The following VWA3B variants were observed in gnomAD, a reference collection of about 807,000 sequenced individuals.
VWA3B encodes the protein von Willebrand factor A domain-containing protein 3B.
In VWA3B, 138 loss-of-function variants were observed where a neutral mutation model predicts 158.3. The observed-to-expected ratio is 0.87, with a 90% CI of 0.76 to 1.00. The LOEUF (loss-of-function observed/expected upper bound fraction) is 1.00, where lower values mean the gene tolerates loss of function less well. Among genes scored for constraint, VWA3B ranks in the 50% least tolerant of loss-of-function variants. VWA3B has a pLI of 0.00. For synonymous variants in VWA3B, 596 were observed against 587.3 expected (o/e 1.01, Z -0.21); for missense variants, 1,555 against 1,565.1 (o/e 0.99, Z 0.11).
chr2:98,330,243 C>G, the VWA3B span, among the ~76,000 whole-genome samples: 9 of 152,146 alleles, frequency 5.9e-5, no homozygotes, highest in Non-Finnish European at 1.0e-4. Flanking sequence ...AGGGGAAGCT[C>G]AGGTCTAACT....
At chr2:98,277,424 A>G (rs904238127) in intron 22 of VWA3B, among the ~76,000 whole-genome samples, 11 of 152,200 alleles carry the variant, frequency 7.2e-5, no homozygotes, top group Admixed American at 5.9e-4. Context: ...CTGTCCTCCA[A>G]CATTTTCTGA....
intron 8 of VWA3B, among the ~76,000 whole-genome samples, chr2:98,169,668 C>T (rs1679408195): frequency 6.6e-6 from 1 of 151,640 alleles, no homozygotes; most frequent in African/African-American, 2.4e-5. Flanking sequence ...AGTCACTCCT[C>T]TGGCGCTGAG....
intron 7 of VWA3B, among the ~76,000 whole-genome samples, chr2:98,159,235 T>TG (rs796253091): frequency 2.4e-4 from 37 of 152,202 alleles, no homozygotes; most frequent in African/African-American, 7.9e-4. Flanking sequence ...GCCTGCAAAT[T>TG]GTTTTTTTGT....
chr2:98,119,573 A>T lies in VWA3B; in HGVS notation c.352A>T (p.Ser118Cys). The T allele has an allele frequency of 1.2e-6, 2 of 1,613,966 alleles. No homozygotes were observed. ...GGAACATTTAACACAAGCTGTGGAG[A>T]GCTACAAGCAGCGAATGGACTGGCT... ...FVEHLTQAVE[S>C]YKQRMDWLTS... The change falls in exon 4 of 28, where the codon AGC (serine) becomes TGC (cysteine). Residue 118 changes from serine (S) to cysteine (C), a missense_variant. Physicochemically the swap from Ser to Cys is moderately radical, Grantham distance 112 (BLOSUM62 -1). Coordinates refer to ENST00000477737, the MANE Select transcript of VWA3B (RefSeq NM_144992.5).
intron 7 of VWA3B, among the ~76,000 whole-genome samples, chr2:98,147,383 G>A (rs1677251160): frequency 6.6e-6 from 1 of 152,022 alleles, no homozygotes; most frequent in Non-Finnish European, 1.5e-5. Context: ...AAACATTCTT[G>A]CCATCCAGAT....
chr2:98,117,891 C>T (rs1036925859), intron 3 of VWA3B, among the ~76,000 whole-genome samples: 4 of 151,948 alleles, frequency 2.6e-5, no homozygotes, highest in African/African-American at 4.8e-5. Flanking sequence ...TGTGCGCCAC[C>T]GTATCCAGCT....
chr2:98,217,484 G>A (rs896670600), intron 13 of VWA3B, among the ~76,000 whole-genome samples: 2 of 152,146 alleles, frequency 1.3e-5, no homozygotes, highest in Admixed American at 1.3e-4. Flanking sequence ...GTTGACCATA[G>A]CATGTTGGAA....
At chr2:98,165,033 A>C (rs1014496756) in intron 8 of VWA3B, among the ~76,000 whole-genome samples, 1 of 152,208 alleles carries the variant, frequency 6.6e-6, no homozygotes, top group Admixed American at 6.5e-5. Flanking sequence ...ACAATGATGC[A>C]TGCTCCACAC....
At chr2:98,089,780 G>A (rs140929911) in intron 1 of VWA3B, among the ~76,000 whole-genome samples, 7 of 151,054 alleles carry the variant, frequency 4.6e-5, no homozygotes, top group African/African-American at 1.5e-4. Context: ...AATCAGACTG[G>A]ACTGTACAGG....
chr2:98,251,133 G>A (rs951646676), intron 20 of VWA3B, among the ~76,000 whole-genome samples: 1 of 152,016 alleles, frequency 6.6e-6, no homozygotes, highest in Non-Finnish European at 1.5e-5. Context: ...AACAACAGTG[G>A]CAGCAGCTAT....
intron 2 of VWA3B, among the ~76,000 whole-genome samples, chr2:98,095,710 GA>G (rs993461588): frequency 2.2e-4 from 33 of 152,170 alleles, no homozygotes; most frequent in African/African-American, 6.8e-4. Context: ...GATGTTAAAG[GA>G]AAATCTTTCA....
chr2:98,214,231 A>C (rs79984211), intron 13 of VWA3B, among the ~76,000 whole-genome samples: 1 of 151,892 alleles, frequency 6.6e-6, no homozygotes, highest in Non-Finnish European at 1.5e-5. Context: ...CAAAAAAAAC[A>C]AAAAAAAGAG....
At chr2:98,226,441 A>C (rs1684920687) in intron 14 of VWA3B, among the ~76,000 whole-genome samples, 1 of 152,214 alleles carries the variant, frequency 6.6e-6, no homozygotes, top group Non-Finnish European at 1.5e-5. Flanking sequence ...GTGTGGACTT[A>C]AATCTAAAAC....
chr2:98,284,907 G>C (rs1424760674), intron 22 of VWA3B, among the ~76,000 whole-genome samples: 1 of 152,116 alleles, frequency 6.6e-6, no homozygotes, highest in Non-Finnish European at 1.5e-5. Context: ...GTCCTATGTG[G>C]TTTATCTTTT....
At chr2:98,159,028 G>A (rs2105220134) in intron 7 of VWA3B, among the ~76,000 whole-genome samples, 1 of 152,322 alleles carries the variant, frequency 6.6e-6, no homozygotes, top group East Asian at 1.9e-4. Context: ...CTGTAGGTGA[G>A]ATGTGGAAGA....
chr2:98,174,516 A>G (rs980625704), intron 8 of VWA3B, among the ~76,000 whole-genome samples: 10 of 152,232 alleles, frequency 6.6e-5, no homozygotes, highest in African/African-American at 2.4e-4. Context: ...ACCGTTGTCA[A>G]AAACAATGAG....
At chr2:98,322,434 AACTACAGTAAGAGTGAATC>A in the VWA3B span, among the ~76,000 whole-genome samples, 1 of 152,198 alleles carries the variant, frequency 6.6e-6, no homozygotes, top group Non-Finnish European at 1.5e-5. Flanking sequence ...AGCATCAAGA[AACTACAGTAAGAGTGAATC>A]ATAAAACCTA....
At position 98,087,299 on chromosome 2, in the gene VWA3B, C is replaced by T. The variant is rs1429105933; in HGVS notation, c.-97C>T. The T allele has an allele frequency of 6.6e-6, 1 of 152,218 alleles. No homozygotes were observed. Among genetic ancestry groups the T allele is most frequent in the East Asian group, 1.9e-4 (1 of 5,196 alleles). The allele number at this position is 152,218 out of a possible 1,614,324, so 9.4% of individuals were successfully genotyped here. A position where few individuals can be genotyped will look rare whatever the true frequency, so the allele number is the denominator to read the frequency against. ...GCCCGCCCTCTCGGGTCAGGCGGGC[C>T]CGGGAGGATGGGAGGGTGGCTGCTG... On this transcript the variant is annotated 5_prime_UTR_variant, in exon 1 of 28. Coordinates refer to ENST00000477737, the MANE Select transcript of VWA3B (RefSeq NM_144992.5).
At chr2:98,239,180 A>G (rs1357401435) in intron 19 of VWA3B, among the ~76,000 whole-genome samples, 1 of 152,236 alleles carries the variant, frequency 6.6e-6, no homozygotes, top group Non-Finnish European at 1.5e-5. Flanking sequence ...CTAGGAATCT[A>G]TGTAAGGAAA....
Sources: gnomAD v4.1 joint callset for allele counts (sites outside exome capture counted in the v4.1 genomes callset) on GRCh38, gnomAD v4.1.1 for gene constraint, MANE v1.5 for transcripts, NCBI Gene and HGNC (gene_info 2026-07-23, HGNC 2026-07-21) for gene names.